CTPS1: variants seen among roughly 807,000 people sequenced by gnomAD.
The protein encoded by CTPS1 is CTP synthetase 1.
CTPS1 carries 25 observed loss-of-function variants against 80.5 expected under a neutral mutation model. The ratio of observed to expected loss-of-function variants is 0.31; its 90% CI spans 0.23 to 0.43. The LOEUF (loss-of-function observed/expected upper bound fraction) is 0.43. Ranked by LOEUF, CTPS1 falls within the 20% of genes least tolerant of loss-of-function variation. CTPS1 has a pLI of 1.00. For missense variants in CTPS1, 442 were observed against 725.7 expected (o/e 0.61, Z 4.49); for synonymous variants, 267 against 252.5 (o/e 1.06, Z -0.54).
chr1:40,991,581 T>C (rs957913625), intron 6 of CTPS1, among the ~76,000 whole-genome samples, 184 bp from the exon 7 acceptor site: 1 of 152,210 alleles, frequency 6.6e-6, no homozygotes, highest in African/African-American at 2.4e-5. Context: ...TTCTCCAGTT[T>C]GGCGTTTACG....
chr1:40,988,581 T>C lies in CTPS1; in HGVS notation c.439-13T>C. 1 of 1,600,102 alleles carries C rather than the reference T, an allele frequency of 6.2e-7. No individual in the cohort carries two copies. The highest frequency in any genetic ancestry group is 8.6e-7 in the Non-Finnish European group (1 of 1,167,622). On this transcript the variant is annotated splice_polypyrimidine_tract_variant and intron_variant, in intron 4 of 18. Coordinates refer to ENST00000650070, the MANE Select transcript of CTPS1 (RefSeq NM_001905.4). ...TTTAGTGCCTAACCTCTGAAACAACTTTGTTCTTCTAGCTTGGTGGAACCG... is the reference window on the plus strand; with the variant it reads ...TTTAGTGCCTAACCTCTGAAACAACCTTGTTCTTCTAGCTTGGTGGAACCG...
At chr1:40,998,019 C>T (rs770682912) in intron 9 of CTPS1, among the ~76,000 whole-genome samples, 67 of 152,132 alleles carry the variant, frequency 4.4e-4, no homozygotes, top group Non-Finnish European at 7.9e-4. Context: ...CTGGTCTGTG[C>T]CATGGCGGGC....
chr1:41,008,832 C>G lies in CTPS1; in HGVS notation c.1488C>G (p.Gly496=). 6.2e-7 allele frequency: 1 copy of G among 1,614,016 alleles called. No individual in the cohort carries two copies. The highest frequency in any genetic ancestry group is 8.5e-7 in the Non-Finnish European group (1 of 1,179,996). ...GGAAAAAGTGTTTGGAAGAACAAGG[C>G]TTGAAGTTTGTTGGCCAAGATGTTG... ...PVWKKCLEEQ[G]LKFVGQDVEG... Residue 496 remains glycine, a synonymous_variant, in exon 16 of 19, where the codon GGC becomes GGG. Coordinates refer to ENST00000650070, the MANE Select transcript of CTPS1 (RefSeq NM_001905.4).
Position 40,983,362 on chromosome 1 carries a change from C to T in CTPS1, c.72C>T (p.Gly24=). 6.2e-7 allele frequency: 1 copy of T among 1,613,974 alleles called. No homozygotes were observed. Among genetic ancestry groups the T allele is most frequent in the African/African-American group, 1.3e-5 (1 of 75,022 alleles). Residue 24 remains glycine, a synonymous_variant, in exon 2 of 19, where the codon GGC becomes GGT. Transcript: ENST00000650070. The part of the protein sequence containing the change: ...IGKGIIASSV[G]TILKSCGLHV... ...AAGGAATCATTGCCAGCAGTGTGGGCACAATACTCAAGTCATGTGGTTTAC... is the reference window on the plus strand; with the variant it reads ...AAGGAATCATTGCCAGCAGTGTGGGTACAATACTCAAGTCATGTGGTTTAC...
At chr1:41,009,952 G>A (rs1269304813) in intron 17 of CTPS1, among the ~76,000 whole-genome samples, 2 of 152,214 alleles carry the variant, frequency 1.3e-5, no homozygotes, top group African/African-American at 4.8e-5. Context: ...TAGGGTGTGT[G>A]ACTGAAGTAT....
chr1:41,005,432 C>T (rs1312327653), intron 12 of CTPS1, among the ~76,000 whole-genome samples: 1 of 151,630 alleles, frequency 6.6e-6, no homozygotes, highest in Non-Finnish European at 1.5e-5. Context: ...CACTTGTTGC[C>T]CACAAGTGTG....
intron 7 of CTPS1, among the ~76,000 whole-genome samples, chr1:40,992,160 C>T (rs903208328): frequency 1.3e-5 from 2 of 152,212 alleles, no homozygotes; most frequent in Non-Finnish European, 2.9e-5. Context: ...CCCATGTCCC[C>T]CTCTTCCTGT....
Position 40,983,539 on chromosome 1 carries a change from CTT to C in CTPS1, c.166+86_166+87del, listed in dbSNP as rs941196893. ...GGAATTATGTGCACGGTTTGCATAACTTTTATTTTCTGCCTTCTAACAGGTCC... is the reference window on the plus strand; with the variant it reads ...GGAATTATGTGCACGGTTTGCATAACTTATTTTCTGCCTTCTAACAGGTCC... On this transcript the variant is annotated intron_variant, in intron 2 of 18. Coordinates refer to ENST00000650070, the MANE Select transcript of CTPS1 (RefSeq NM_001905.4). 56 of 1,176,064 alleles carry C rather than the reference CTT, an allele frequency of 4.8e-5. No individual in the cohort carries two copies. In the Admixed American group the frequency reaches 8.6e-4, roughly 18 times the overall value. The allele number at this position is 1,176,064 out of a possible 1,614,324, so 72.9% of individuals were successfully genotyped here.
intron 2 of CTPS1, 104 bp downstream of exon 2, chr1:40,983,560 C>A: frequency 3.3e-6 from 3 of 920,412 alleles, no homozygotes; most frequent in Non-Finnish European, 3.3e-6. Flanking sequence ...TGCCTTCTAA[C>A]AGGTCCCTTA....
At position 41,009,587 on chromosome 1, in the gene CTPS1, C is replaced by T; in HGVS notation, c.1689C>T (p.Pro563=). ...HYLQKGCRLS[P]RDTYSDRSGS... ...TCCAGAAAGGCTGCAGGCTCTCACCCAGGTAGGCGCACTCTTTGCTTCAGT... is the reference window on the plus strand; with the variant it reads ...TCCAGAAAGGCTGCAGGCTCTCACCTAGGTAGGCGCACTCTTTGCTTCAGT... Residue 563 remains proline (P), a splice_region_variant and synonymous_variant, in exon 17 of 19, where the codon CCC becomes CCT. Coordinates refer to ENST00000650070, the MANE Select transcript of CTPS1 (RefSeq NM_001905.4). The T allele has an allele frequency of 6.2e-7, 1 of 1,614,076 alleles. No homozygotes were observed. The highest frequency in any genetic ancestry group is 8.5e-7 in the Non-Finnish European group (1 of 1,180,010).
chr1:40,989,796 A>G (rs2148395716), intron 5 of CTPS1, among the ~76,000 whole-genome samples: 1 of 152,330 alleles, frequency 6.6e-6, no homozygotes, highest in East Asian at 1.9e-4. Flanking sequence ...ATGCTATAAG[A>G]AAGAAACATT....
intron 9 of CTPS1, among the ~76,000 whole-genome samples, chr1:40,999,427 G>A (rs1642846164): frequency 6.6e-6 from 1 of 152,156 alleles, no homozygotes; most frequent in Non-Finnish European, 1.5e-5. Flanking sequence ...AAGTGGGCAC[G>A]AGATTTGAAC....
At chr1:40,989,564 C>A (rs939998863) in intron 5 of CTPS1, among the ~76,000 whole-genome samples, 1 of 152,154 alleles carries the variant, frequency 6.6e-6, no homozygotes, top group Non-Finnish European at 1.5e-5. Context: ...CCTACACACT[C>A]ACACATAACT....
At chr1:40,989,447 T>A (rs1388017880) in intron 5 of CTPS1, among the ~76,000 whole-genome samples, 1 of 152,142 alleles carries the variant, frequency 6.6e-6, no homozygotes, top group Non-Finnish European at 1.5e-5. Flanking sequence ...CCATTCCACG[T>A]AGGAGGTTGT....
intron 9 of CTPS1, 53 bp from the exon 10 acceptor site, chr1:41,000,976 G>T: frequency 8.3e-7 from 1 of 1,208,820 alleles, no homozygotes; most frequent in Non-Finnish European, 1.2e-6. Flanking sequence ...AATTAAGAAC[G>T]CACAGCCTGG....
chr1:41,002,730 C>CA (rs1313352373), intron 11 of CTPS1, among the ~76,000 whole-genome samples: 1 of 152,068 alleles, frequency 6.6e-6, no homozygotes, highest in Non-Finnish European at 1.5e-5. Context: ...CCTGTAAACC[C>CA]AACACTTGTG....
At chr1:40,983,594 C>A in intron 2 of CTPS1, 138 bp downstream of exon 2, 1 of 620,056 alleles carries the variant, frequency 1.6e-6, no homozygotes. Context: ...ATACTTTTCT[C>A]ACCTAGAAAG....
intron 5 of CTPS1, among the ~76,000 whole-genome samples, chr1:40,990,737 G>A (rs1347836776): frequency 2.0e-5 from 3 of 152,210 alleles, no homozygotes; most frequent in Non-Finnish European, 1.5e-5. Flanking sequence ...GAAAGGAAAA[G>A]TGTGGCACAT....
chr1:40,988,520 G>A (rs1558137931), intron 4 of CTPS1, 74 bp from the exon 5 acceptor site: 4 of 932,724 alleles, frequency 4.3e-6, no homozygotes, highest in East Asian at 2.4e-5. Context: ...CAGGAAGACA[G>A]AACAGTTGTT....
Sources: allele counts gnomAD v4.1 joint callset (sites outside exome capture counted in the v4.1 genomes callset), GRCh38; gene constraint gnomAD v4.1.1; transcripts MANE v1.5; gene names NCBI Gene and HGNC (gene_info 2026-07-23, HGNC 2026-07-21).